The following WNT5A variants were observed in gnomAD, a reference collection of about 807,000 sequenced individuals.
The protein encoded by WNT5A is protein Wnt-5a.
Under a neutral mutation model 42.1 loss-of-function variants are expected in WNT5A, and 9 were observed. That is an observed-to-expected ratio of 0.21 (90% confidence interval 0.13 to 0.37). The LOEUF (loss-of-function observed/expected upper bound fraction) is 0.37, where lower values mean the gene tolerates loss of function less well. Among genes scored for constraint, WNT5A ranks in the 10% least tolerant of loss-of-function variants. The probability of loss-of-function intolerance (pLI) is 1.00; values close to 1 mark genes in which losing one functional copy is unlikely to be tolerated. For synonymous variants in WNT5A, 210 were observed against 210.0 expected, an observed-to-expected ratio of 1.00 and a Z score of 0.00; for missense variants, 426 against 534.0, an observed-to-expected ratio of 0.80 and a Z score of 1.99.
rs1028556815 is a variant in WNT5A at position 55,483,710 on chromosome 3, G to A, written c.7-2792C>T. The stretch of plus-strand genomic sequence containing the variant: ...GAGTGAGGTGGAGGAGGGCGTTCCC[G>A]CGTCCTCCTCTTCAATCCAGAGCAG... On this transcript the variant is annotated intron_variant, in intron 1 of 4. Coordinates refer to ENST00000264634, the MANE Select transcript of WNT5A (RefSeq NM_003392.7). This position sits in a 1 kb window ranked among gnomAD's most constrained non-coding sequence, Gnocchi z 4.2. 3.3e-5 allele frequency among the ~76,000 whole-genome samples: 5 copies of A among 152,140 alleles called. No homozygotes were observed. Among genetic ancestry groups the A allele is most frequent in the African/African-American group, 4.8e-5 (2 of 41,430 alleles).
At chr3:55,497,029 G>A in the WNT5A span, among the ~76,000 whole-genome samples, 12 of 152,066 alleles carry the variant, frequency 7.9e-5, no homozygotes, top group African/African-American at 1.4e-4. Context: ...AAGCATTTAC[G>A]GCCCACCCAT....
At chr3:55,496,427 A>G in the WNT5A span, among the ~76,000 whole-genome samples, 6 of 152,234 alleles carry the variant, frequency 3.9e-5, no homozygotes, top group Non-Finnish European at 7.3e-5. Flanking sequence ...TTTCTACTTA[A>G]CCCAGGAGAA....
intron 3 of WNT5A, chr3:55,479,052 G>T: frequency 6.8e-6 from 2 of 294,486 alleles, no homozygotes; most frequent in Non-Finnish European, 6.2e-6. Context: ...TAAACAAAAT[G>T]CTTTATAGAA....
At chr3:55,480,695 A>G in intron 2 of WNT5A, 90 bp downstream of exon 2, 1 of 1,340,632 alleles carries the variant, frequency 7.5e-7, no homozygotes, top group Non-Finnish European at 9.9e-7. Context: ...ACCCACACTC[A>G]CTATCCAGCA....
chr3:55,480,105 C>G (rs1261184156), intron 2 of WNT5A, among the ~76,000 whole-genome samples: 3 of 152,092 alleles, frequency 2.0e-5, no homozygotes, highest in Admixed American at 6.6e-5. Context: ...TTGTGAGGGA[C>G]CCAAGACAGG....
At chr3:55,482,227 T>G (rs1395662492) in intron 1 of WNT5A, among the ~76,000 whole-genome samples, 1 of 152,194 alleles carries the variant, frequency 6.6e-6, no homozygotes, top group Non-Finnish European at 1.5e-5. Flanking sequence ...AAGGTTCCCT[T>G]CCTGAAGAAT....
intron 3 of WNT5A, among the ~76,000 whole-genome samples, chr3:55,474,934 G>C (rs1480867899): frequency 9.6e-5 from 14 of 145,168 alleles, no homozygotes; most frequent in African/African-American, 3.3e-4. Flanking sequence ...GTAGGAGATG[G>C]GGGGGTAGGG....
chr3:55,479,168 G>T, intron 3 of WNT5A, 146 bp downstream of exon 3: 4 of 810,496 alleles, frequency 4.9e-6, no homozygotes, highest in South Asian at 2.9e-5. Context: ...AACATCATTT[G>T]CTATAATGAC....
chr3:55,500,086 C>T, the WNT5A span, among the ~76,000 whole-genome samples: 2 of 152,086 alleles, frequency 1.3e-5, no homozygotes, highest in African/African-American at 4.8e-5. Flanking sequence ...GTGTACCAGG[C>T]AGGGCCACAG....
chr3:55,481,182 G>A, intron 1 of WNT5A: 2 of 680,338 alleles, frequency 2.9e-6, no homozygotes, highest in Non-Finnish European at 3.9e-6. Flanking sequence ...CAATTCTGTT[G>A]AGTCAAAGCC....
At chr3:55,484,231 T>C (rs1236023044) in intron 1 of WNT5A, among the ~76,000 whole-genome samples, 1 of 152,136 alleles carries the variant, frequency 6.6e-6, no homozygotes, top group African/African-American at 2.4e-5. Context: ...GATCTCTCCC[T>C]AAAGCAAGGA....
the WNT5A span, among the ~76,000 whole-genome samples, chr3:55,496,311 A>T: frequency 1.3e-5 from 2 of 152,224 alleles, no homozygotes; most frequent in Non-Finnish European, 2.9e-5. Context: ...CATTAAGGTC[A>T]AATGACAATT....
chr3:55,497,541 A>G, the WNT5A span: 1 of 152,190 alleles, frequency 6.6e-6, no homozygotes, highest in Non-Finnish European at 1.5e-5. Flanking sequence ...CCACTACCCC[A>G]CAGCAAATAC....
chr3:55,493,799 T>C (rs1173242779), upstream of WNT5A: 1 of 152,278 alleles, frequency 6.6e-6, no homozygotes, highest in Admixed American at 6.5e-5. Flanking sequence ...TGGTTTCCCA[T>C]ATGTGTCCCC....
In WNT5A at chr3:55,487,047, G is replaced by C. The variant is rs1256043713; in HGVS notation, c.-62C>G. ...CCGAGCGAGCGCAGCCGAGGAATCC[G>C]AGCGGAGCGACCGGGTTAAGCCTGG... On this transcript the variant is annotated 5_prime_UTR_variant, in exon 1 of 5. Transcript: ENST00000264634. The C allele has an allele frequency of 3.2e-6, 5 of 1,563,708 alleles. No individual in the cohort carries two copies. Among genetic ancestry groups the C allele is most frequent in the South Asian group, 1.1e-5 (1 of 87,150 alleles).
chr3:55,485,594 C>T (rs2051561923), intron 1 of WNT5A, among the ~76,000 whole-genome samples: 1 of 152,144 alleles, frequency 6.6e-6, no homozygotes, highest in African/African-American at 2.4e-5. Context: ...ATTGCCCCCT[C>T]GAAACTCCCC....
At chr3:55,492,935 G>A (rs182138866), upstream of WNT5A, among the ~76,000 whole-genome samples, 2 of 152,268 alleles carry the variant, frequency 1.3e-5, no homozygotes, top group Non-Finnish European at 2.9e-5. Flanking sequence ...AACACCAGAC[G>A]TGCACACAAC....
intron 1 of WNT5A, 31 bp downstream of exon 1, chr3:55,486,949 G>GA (rs761469585): frequency 1.3e-6 from 2 of 1,586,742 alleles, no homozygotes; most frequent in East Asian, 2.3e-5. Flanking sequence ...GGGAAGTAAA[G>GA]AAAAAAAGTG....
intron 4 of WNT5A, 22 bp from the exon 5 acceptor site, chr3:55,470,572 C>G: frequency 6.7e-7 from 1 of 1,486,798 alleles, no homozygotes; most frequent in Non-Finnish European, 8.9e-7. Flanking sequence ...TGGGGGCAAT[C>G]AATACACACA....
Sources: allele counts gnomAD v4.1 joint callset (sites outside exome capture counted in the v4.1 genomes callset), GRCh38; gene constraint gnomAD v4.1.1; non-coding constraint Gnocchi (gnomAD v3.1); transcripts MANE v1.5; gene names NCBI Gene and HGNC (gene_info 2026-07-23, HGNC 2026-07-21).